The following KIAA0319L variants were observed in gnomAD, a reference collection of about 807,000 sequenced individuals.
KIAA0319L encodes the protein dyslexia-associated protein KIAA0319-like protein.
In KIAA0319L, 55 loss-of-function variants were observed where a neutral mutation model predicts 120.1. The ratio of observed to expected loss-of-function variants is 0.46; its 90% CI spans 0.37 to 0.57. KIAA0319L has a LOEUF of 0.57. KIAA0319L is among the 20% of genes least tolerant of loss of function. The pLI is 0.00. For missense variants in KIAA0319L, 1,049 were observed against 1,255.3 expected (o/e 0.84, Z 2.48); for synonymous variants, 398 against 471.9 (o/e 0.84, Z 2.03).
chr1:35,480,587 G>C (rs1644122007), intron 3 of KIAA0319L, among the ~76,000 whole-genome samples: 1 of 152,076 alleles, frequency 6.6e-6, no homozygotes, highest in Non-Finnish European at 1.5e-5. Flanking sequence ...TTTGAGACCA[G>C]CCTGACCAAC....
chr1:35,439,932 G>T (rs1023377989), intron 20 of KIAA0319L: 1 of 152,200 alleles, frequency 6.6e-6, no homozygotes, highest in Non-Finnish European at 1.5e-5. Flanking sequence ...CAGACCAAAA[G>T]TTCTAGCTTT....
chr1:35,456,866 G>T (rs1642494267), intron 9 of KIAA0319L, among the ~76,000 whole-genome samples: 2 of 144,778 alleles, frequency 1.4e-5, no homozygotes, highest in Non-Finnish European at 3.0e-5. Flanking sequence ...GAAGGAGGAA[G>T]GGAGGGAAGG....
Position 35,471,437 on chromosome 1 carries a change from G to A in KIAA0319L, c.1016-477C>T, listed in dbSNP as rs926635660. Among the ~76,000 whole-genome samples the A allele has an allele frequency of 1.1e-3, 163 of 152,146 alleles. 1 individual carries two copies. Among genetic ancestry groups the A allele is most frequent in the African/African-American group, 3.8e-3 (158 of 41,416 alleles). ...CGTCTCACTGAGGTCATCACACCCT[G>A]GTGAGTTAAAAGAGCTACTTCATTC... On this transcript the variant is annotated intron_variant, in intron 5 of 20. Coordinates refer to ENST00000325722, the MANE Select transcript of KIAA0319L (RefSeq NM_024874.5).
intron 9 of KIAA0319L, among the ~76,000 whole-genome samples, chr1:35,456,878 A>AGGAG (rs571352266): frequency 1.7e-4 from 19 of 114,990 alleles, no homozygotes; most frequent in Non-Finnish European, 2.1e-4. Context: ...GAGGGAAGGA[A>AGGAG]GGAGGGAGGG....
At chr1:35,460,519 A>G (rs1642816944) in intron 8 of KIAA0319L, 82 bp from the exon 9 acceptor site, 1 of 1,261,068 alleles carries the variant, frequency 7.9e-7, no homozygotes. Flanking sequence ...CAGGACAACT[A>G]CCCAGAGATT....
chr1:35,497,282 G>T (rs546779409), intron 3 of KIAA0319L, among the ~76,000 whole-genome samples: 1 of 151,362 alleles, frequency 6.6e-6, no homozygotes, highest in East Asian at 1.9e-4. Flanking sequence ...TTGTAATAAT[G>T]ATTTACAACT....
intron 2 of KIAA0319L, among the ~76,000 whole-genome samples, chr1:35,539,027 G>A (rs1384283155): frequency 6.6e-6 from 1 of 151,952 alleles, no homozygotes; most frequent in Non-Finnish European, 1.5e-5. Context: ...TTAATTCTAG[G>A]CAGGGAAATA....
intron 2 of KIAA0319L, among the ~76,000 whole-genome samples, chr1:35,519,731 C>G (rs1347234202): frequency 6.6e-6 from 1 of 152,166 alleles, no homozygotes; most frequent in African/African-American, 2.4e-5. Flanking sequence ...GAACTTTGCT[C>G]TCTCTTTCTT....
chr1:35,475,294 TA>T (rs1026662119), intron 4 of KIAA0319L, among the ~76,000 whole-genome samples: 11 of 152,160 alleles, frequency 7.2e-5, no homozygotes, highest in African/African-American at 2.7e-4. Context: ...GCCCTCCCTA[TA>T]TACTACATTC....
intron 3 of KIAA0319L, among the ~76,000 whole-genome samples, chr1:35,500,615 T>C (rs1039304452): frequency 6.6e-6 from 1 of 152,266 alleles, no homozygotes; most frequent in African/African-American, 2.4e-5. Flanking sequence ...TATGATACAA[T>C]TTCTCTCCAC....
Position 35,435,089 on chromosome 1 carries a change from G to A in KIAA0319L, c.2963-8C>T. 2 of 1,612,670 alleles carry A rather than the reference G, an allele frequency of 1.2e-6. No individual in the cohort carries two copies. The highest frequency in any genetic ancestry group is 1.7e-6 in the Non-Finnish European group (2 of 1,179,080). On this transcript the variant is annotated splice_polypyrimidine_tract_variant and splice_region_variant and intron_variant, in intron 20 of 20. Transcript: ENST00000325722. The stretch of plus-strand genomic sequence containing the variant: ...GGCCTTTCTGTTTGATGCCTGCAGG[G>A]AAAACAAGGAATCCAGCATCAGGAG...
chr1:35,473,116 GAC>G (rs1643740489), intron 5 of KIAA0319L, among the ~76,000 whole-genome samples: 1 of 98,532 alleles, frequency 1.0e-5, no homozygotes, highest in South Asian at 3.4e-4. Flanking sequence ...TTTTTTTTGA[GAC>G]AGAGTCTTGC....
intron 2 of KIAA0319L, among the ~76,000 whole-genome samples, chr1:35,553,961 G>C (rs1322124495): frequency 6.6e-6 from 1 of 152,190 alleles, no homozygotes; most frequent in Admixed American, 6.5e-5. Context: ...GCAAGACTAA[G>C]CACCCATGCT....
At chr1:35,435,212 A>C in intron 20 of KIAA0319L, 131 bp from the exon 21 acceptor site, 1 of 797,346 alleles carries the variant, frequency 1.3e-6, no homozygotes. Context: ...TGGGAGGTGC[A>C]GATGGGAAGG....
chr1:35,514,675 C>T (rs930468911), intron 2 of KIAA0319L, among the ~76,000 whole-genome samples: 5 of 152,184 alleles, frequency 3.3e-5, no homozygotes, highest in African/African-American at 1.2e-4. Context: ...AGGGTCAATT[C>T]AACAAGAAAA....
chr1:35,484,802 ATATATT>A (rs1319373257), intron 3 of KIAA0319L, among the ~76,000 whole-genome samples: 182 of 14,102 alleles, frequency 0.013, 1 homozygote, highest in African/African-American at 0.039. Flanking sequence ...ATATATATAT[ATATATT>A]TTTTTTTTTA....
At chr1:35,470,290 C>T (rs965845532) in intron 6 of KIAA0319L, among the ~76,000 whole-genome samples, 1 of 151,888 alleles carries the variant, frequency 6.6e-6, no homozygotes, top group Non-Finnish European at 1.5e-5. Flanking sequence ...ACCAGGTGTT[C>T]AAGACCAGCC....
At chr1:35,524,215 T>G (rs1646033119) in intron 2 of KIAA0319L, among the ~76,000 whole-genome samples, 1 of 152,088 alleles carries the variant, frequency 6.6e-6, no homozygotes, top group African/African-American at 2.4e-5. Flanking sequence ...AACAAAAAAT[T>G]ATATTCCCTG....
intron 5 of KIAA0319L, among the ~76,000 whole-genome samples, chr1:35,473,853 A>G (rs1643787524): frequency 6.6e-6 from 1 of 152,238 alleles, no homozygotes; most frequent in Non-Finnish European, 1.5e-5. Flanking sequence ...TAACCTTTTA[A>G]TGATAACATA....
Sources: gnomAD v4.1 joint callset for allele counts (sites outside exome capture counted in the v4.1 genomes callset) on GRCh38, gnomAD v4.1.1 for gene constraint, MANE v1.5 for transcripts, NCBI Gene and HGNC (gene_info 2026-07-23, HGNC 2026-07-21) for gene names.